UTRN: variants seen among roughly 807,000 people sequenced by gnomAD.
The protein encoded by UTRN is utrophin.
A neutral mutation model predicts 463.9 loss-of-function variants in UTRN; 283 were observed. That is an observed-to-expected ratio of 0.61 (90% CI 0.55 to 0.67). The LOEUF (loss-of-function observed/expected upper bound fraction) is 0.67. Among genes scored for constraint, UTRN ranks in the 30% least tolerant of loss-of-function variants. The pLI is 0.00. For synonymous variants in UTRN, 1,442 were observed against 1,431.5 expected, an observed-to-expected ratio of 1.01 and a Z score of -0.17; for missense variants, 3,922 against 4,084.3, an observed-to-expected ratio of 0.96 and a Z score of 1.08.
chr6:144,456,801 G>A (rs1788877562), intron 19 of UTRN, among the ~76,000 whole-genome samples: 1 of 151,984 alleles, frequency 6.6e-6, no homozygotes, highest in African/African-American at 2.4e-5. Flanking sequence ...ATACAGTAGA[G>A]TAGTTGGGCA....
chr6:144,594,516 A>G (rs1378348522), intron 51 of UTRN, among the ~76,000 whole-genome samples: 2 of 152,232 alleles, frequency 1.3e-5, no homozygotes, highest in African/African-American at 4.8e-5. Flanking sequence ...TAAATATTGA[A>G]TAAATAAACC....
intron 2 of UTRN, among the ~76,000 whole-genome samples, chr6:144,376,405 A>G (rs181735570): frequency 9.5e-4 from 144 of 151,616 alleles, no homozygotes; most frequent in East Asian, 1.8e-3. Flanking sequence ...CAGTGAACTG[A>G]GATCATGCCA....
chr6:144,732,299 C>CATAT (rs367595941), intron 54 of UTRN, among the ~76,000 whole-genome samples: 6 of 128,718 alleles, frequency 4.7e-5, no homozygotes, highest in Admixed American at 2.4e-4. Flanking sequence ...TATATATACA[C>CATAT]ATATATATAT....
rs1443816082 is a variant in UTRN, at chr6:144,285,531, G to A, written c.-383G>A. On this transcript the variant is annotated 5_prime_UTR_variant, in exon 1 of 75. Transcript: ENST00000367545. The stretch of plus-strand genomic sequence containing the variant: ...AGTTGGTGCCTGCGCGCCCCTTCCA[G>A]GTTTGCGCTTTGACTGTTTTGTTTT... 4.6e-5 allele frequency among the ~76,000 whole-genome samples: 7 copies of A among 152,240 alleles called. No homozygotes were observed. In the East Asian group the frequency reaches 1.3e-3, roughly 29 times the overall value.
chr6:144,306,854 A>G (rs1056456902), intron 2 of UTRN, among the ~76,000 whole-genome samples: 4 of 151,724 alleles, frequency 2.6e-5, no homozygotes, highest in Non-Finnish European at 4.4e-5. Flanking sequence ...TCAGGAGTTC[A>G]AGACCAGCCT....
At position 144,556,386 on chromosome 6, in the gene UTRN, C is replaced by A. The variant is rs532932714; in HGVS notation, c.7135-771C>A. Among the ~76,000 whole-genome samples, 1,325 of 152,250 alleles carry A rather than the reference C, an allele frequency of 8.7e-3. 8 individuals are homozygous for A. Among genetic ancestry groups the A allele is most frequent in the Admixed American group, 0.014 (207 of 15,280 alleles). ...TCCCAAGTAATAGTGAAGCCCCTGG[C>A]CCCTTAACTAGAGGAATACAATTAA... is the stretch of plus-strand genomic sequence containing the variant. On this transcript the variant is annotated intron_variant, in intron 49 of 74. Transcript: ENST00000367545.
chr6:144,767,203 G>C (rs1793457902), intron 58 of UTRN, among the ~76,000 whole-genome samples: 1 of 152,086 alleles, frequency 6.6e-6, no homozygotes, highest in Admixed American at 6.6e-5. Flanking sequence ...TTTGAGGTTT[G>C]AAATCACATA....
intron 52 of UTRN, among the ~76,000 whole-genome samples, chr6:144,690,095 T>TTTTTTTTTTTTTTTGGTG (rs59704043): frequency 3.0e-5 from 1 of 33,456 alleles, no homozygotes; most frequent in African/African-American, 1.4e-4. Context: ...TTTTTTTTTT[T>TTTTTTTTTTTTTTTGGTG]TGTGTGTGTG....
intron 50 of UTRN, among the ~76,000 whole-genome samples, chr6:144,576,480 A>G (rs1257776015): frequency 1.3e-5 from 2 of 152,186 alleles, no homozygotes; most frequent in Admixed American, 1.3e-4. Context: ...AAATATTACT[A>G]AATAAGAAAC....
intron 51 of UTRN, among the ~76,000 whole-genome samples, chr6:144,602,293 G>A (rs577887214): frequency 9.9e-5 from 15 of 151,754 alleles, no homozygotes; most frequent in African/African-American, 3.1e-4. Context: ...CACCAGTCCC[G>A]GCTGATTTTT....
At chr6:144,678,299 T>C (rs1199646392) in intron 51 of UTRN, 107 bp from the exon 52 acceptor site, 3 of 1,084,720 alleles carry the variant, frequency 2.8e-6, no homozygotes, top group Non-Finnish European at 3.8e-6. Flanking sequence ...GAATTTCTTA[T>C]AATTTAAGGT....
At chr6:144,433,383 G>T (rs1267080598) in intron 9 of UTRN, among the ~76,000 whole-genome samples, 6 of 150,264 alleles carry the variant, frequency 4.0e-5, no homozygotes, top group African/African-American at 1.5e-4. Flanking sequence ...CCTCCCTCCC[G>T]GACGGGGTGG....
At chr6:144,697,043 C>G (rs9403587) in intron 52 of UTRN, among the ~76,000 whole-genome samples, 55,093 of 151,930 alleles carry the variant, frequency 0.36, 11,394 homozygotes, top group East Asian at 0.88. Context: ...TTTTGCATTA[C>G]ATTTTTTAAG....
At chr6:144,780,155 G>A (rs1775690790) in intron 60 of UTRN, among the ~76,000 whole-genome samples, 1 of 152,050 alleles carries the variant, frequency 6.6e-6, no homozygotes, top group South Asian at 2.1e-4. Flanking sequence ...AAATACAAAG[G>A]AAGCTATTTG....
At chr6:144,340,746 CAAG>C (rs1379764080) in intron 2 of UTRN, among the ~76,000 whole-genome samples, 3 of 152,206 alleles carry the variant, frequency 2.0e-5, no homozygotes, top group African/African-American at 7.2e-5. Context: ...ATTGATTTCA[CAAG>C]AACTAGAAAA....
At chr6:144,409,957 A>G (rs1482871754) in intron 3 of UTRN, among the ~76,000 whole-genome samples, 1 of 152,182 alleles carries the variant, frequency 6.6e-6, no homozygotes, top group Non-Finnish European at 1.5e-5. Flanking sequence ...ATATTCAGTA[A>G]AGTGGGAGAA....
chr6:144,820,086 G>A (rs996385064), intron 65 of UTRN, among the ~76,000 whole-genome samples: 28 of 142,872 alleles, frequency 2.0e-4, no homozygotes, highest in Non-Finnish European at 3.4e-4. Flanking sequence ...TATCTGTATT[G>A]TAAATAGAAA....
intron 52 of UTRN, among the ~76,000 whole-genome samples, chr6:144,688,990 G>A (rs147560456): frequency 1.2e-4 from 18 of 152,220 alleles, no homozygotes; most frequent in African/African-American, 3.9e-4. Context: ...CAGGGAAAAG[G>A]GAGGAAGCTA....
At chr6:144,577,050 T>A (rs1277218149) in intron 50 of UTRN, 49 bp from the exon 51 acceptor site, 6 of 1,574,312 alleles carry the variant, frequency 3.8e-6, no homozygotes, top group Non-Finnish European at 5.2e-6. Context: ...ATGTGGAATG[T>A]CACAACACTG....
Sources: gnomAD v4.1 joint callset for allele counts (sites outside exome capture counted in the v4.1 genomes callset) on GRCh38, gnomAD v4.1.1 for gene constraint, MANE v1.5 for transcripts, NCBI Gene and HGNC (gene_info 2026-07-23, HGNC 2026-07-21) for gene names.